Variants in ZNF831 observed in about 807,000 individuals in gnomAD.
The protein encoded by ZNF831 is chromosome 20 open reading frame 174.
In ZNF831, 59 loss-of-function variants were observed where a neutral mutation model predicts 95.8. The observed-to-expected ratio is 0.62, with a 90% CI of 0.50 to 0.77. The LOEUF (loss-of-function observed/expected upper bound fraction) is 0.77, where lower values mean the gene tolerates loss of function less well. ZNF831 is among the 30% of genes least tolerant of loss of function. ZNF831 has a pLI of 0.00. For missense variants in ZNF831, 2,205 were observed against 2,164.0 expected, an observed-to-expected ratio of 1.02 and a Z score of -0.38; for synonymous variants, 961 against 925.5, an observed-to-expected ratio of 1.04 and a Z score of -0.70.
intron 4 of ZNF831, among the ~76,000 whole-genome samples, chr20:59,246,320 A>T (rs1016154195): frequency 3.9e-5 from 6 of 152,216 alleles, no homozygotes; most frequent in Non-Finnish European, 8.8e-5. Context: ...GAAATTGCTG[A>T]AACAGAATAA....
At chr20:59,124,062 GC>G (rs1979086887) in intron 1 of ZNF831, among the ~76,000 whole-genome samples, 1 of 152,200 alleles carries the variant, frequency 6.6e-6, no homozygotes, top group Admixed American at 6.5e-5. Flanking sequence ...TGGTTCAGGT[GC>G]GGGGACAAGG....
At chr20:59,172,316 G>T (rs1029850570) in intron 1 of ZNF831, among the ~76,000 whole-genome samples, 6 of 152,118 alleles carry the variant, frequency 3.9e-5, no homozygotes, top group African/African-American at 1.2e-4. Flanking sequence ...CTTCTCTTTG[G>T]CAATGAAGTG....
intron 1 of ZNF831, among the ~76,000 whole-genome samples, chr20:59,129,264 G>T (rs1979275158): frequency 6.6e-6 from 1 of 151,046 alleles, no homozygotes; most frequent in South Asian, 2.1e-4. Context: ...TGTGTGTGTT[G>T]TGTGTGTGTA....
rs1326726599 is a variant in ZNF831, at chr20:59,191,742, C to A, written c.723C>A (p.Ala241=). ...ESRCQGMHEG[A]SERPLSPGAH... Reference sequence around the variant, plus strand: ...GGTGCCAGGGGATGCACGAAGGCGCCTCGGAGAGACCCCTTTCTCCGGGTG... The same window carrying A: ...GGTGCCAGGGGATGCACGAAGGCGCATCGGAGAGACCCCTTTCTCCGGGTG... Residue 241 remains alanine (A), a synonymous_variant, in exon 2 of 6, where the codon GCC becomes GCA. Coordinates refer to ENST00000371030, the MANE Select transcript of ZNF831 (RefSeq NM_178457.3). The A allele has an allele frequency of 6.2e-7, 1 of 1,600,874 alleles. No individual in the cohort carries two copies. The highest frequency in any genetic ancestry group is 8.5e-7 in the Non-Finnish European group (1 of 1,173,222).
Position 59,232,506 on chromosome 20 carries a change from G to A in ZNF831, c.4028-20472G>A, listed in dbSNP as rs551354689. Among the ~76,000 whole-genome samples the A allele has an allele frequency of 3.3e-5, 5 of 152,048 alleles. No homozygotes were observed. In the East Asian group the frequency reaches 7.7e-4, roughly 24 times the overall value. ...AGTCCGCCTCAGCCCTGGGACCCCC[G>A]AGACACTGGGCACTTAGTTAACCCT... On this transcript the variant is annotated intron_variant, in intron 4 of 5. Transcript: ENST00000371030.
chr20:59,212,371 G>A (rs1985401335), intron 4 of ZNF831, among the ~76,000 whole-genome samples: 1 of 152,196 alleles, frequency 6.6e-6, no homozygotes, highest in Admixed American at 6.5e-5. Flanking sequence ...ATTGGAGTCT[G>A]TGAGACTGCC....
chr20:59,138,134 A>C (rs1979570316), intron 1 of ZNF831, among the ~76,000 whole-genome samples: 1 of 152,236 alleles, frequency 6.6e-6, no homozygotes. Flanking sequence ...ATTTTGGAAG[A>C]CTAATTAAAT....
upstream of ZNF831, chr20:59,159,909 G>A (rs1980758089): frequency 6.6e-6 from 1 of 152,508 alleles, no homozygotes; most frequent in Admixed American, 6.5e-5. Context: ...GTAAGTCTGT[G>A]GTCTCTCCAG....
At chr20:59,238,507 G>A (rs1468025699) in intron 4 of ZNF831, among the ~76,000 whole-genome samples, 1 of 152,160 alleles carries the variant, frequency 6.6e-6, no homozygotes, top group Non-Finnish European at 1.5e-5. Context: ...CAAACACCCT[G>A]ACCAGAGGAG....
At position 59,254,355 on chromosome 20, in the gene ZNF831, C is replaced by T. The variant is rs2146768397; in HGVS notation, c.4646C>T (p.Ser1549Phe). Residue 1549 changes from serine to phenylalanine, a missense_variant, in exon 6 of 6, where the codon TCT becomes TTT. Coordinates refer to ENST00000371030, the MANE Select transcript of ZNF831 (RefSeq NM_178457.3). This position sits in a 1 kb window ranked among gnomAD's most constrained non-coding sequence, Gnocchi z 4.5. ...AQTLLPGRPS[S>F]GQRISDSVPL... ...ACCCTCTTGCCAGGGAGACCTTCAT[C>T]TGGACAAAGAATTTCAGATTCGGTT... 1 of 1,614,104 alleles carries T rather than the reference C, an allele frequency of 6.2e-7. No individual in the cohort carries two copies. The highest frequency in any genetic ancestry group is 1.3e-5 in the African/African-American group (1 of 75,022).
chr20:59,149,849 A>G (rs1980120100), intron 2 of ZNF831, among the ~76,000 whole-genome samples: 1 of 152,244 alleles, frequency 6.6e-6, no homozygotes, highest in Non-Finnish European at 1.5e-5. Context: ...GCCGGTGTGC[A>G]CAGGGAAATC....
rs1986415807 is a variant in ZNF831, at chr20:59,226,141, A to T, written c.4027+19085A>T. On this transcript the variant is annotated intron_variant, in intron 4 of 5. Coordinates refer to ENST00000371030, the MANE Select transcript of ZNF831 (RefSeq NM_178457.3). ...GGGTGGAATATGCTCACTCCAAGAG[A>T]TGAAAAGGAGTGGTCATAAGTCACC... Among the ~76,000 whole-genome samples the T allele has an allele frequency of 2.6e-5, 4 of 152,280 alleles. No individual in the cohort carries two copies. The South Asian group carries it at 8.3e-4, about 32-fold the overall frequency.
chr20:59,194,239 C>T lies in ZNF831; in HGVS notation c.3220C>T (p.Arg1074Cys), dbSNP rs369494521. Residue 1074 changes from arginine (R) to cysteine (C), a missense_variant, in exon 2 of 6, where the codon CGT becomes TGT. Arg to Cys is a radical substitution (Grantham distance 180, BLOSUM62 -3). Coordinates refer to ENST00000371030, the MANE Select transcript of ZNF831 (RefSeq NM_178457.3). ...LVQDMEGDSH[R>C]IHRLCMGSTL... ...TCAGGACATGGAGGGTGACAGCCAC[C>T]GTATCCATCGCCTCTGCATGGGCAG... 1.5e-5 allele frequency: 24 copies of T among 1,613,792 alleles called. No individual in the cohort carries two copies. The highest frequency in any genetic ancestry group is 6.7e-5 in the Admixed American group (4 of 59,984).
chr20:59,144,471 C>G (rs554064052), intron 1 of ZNF831, among the ~76,000 whole-genome samples: 2 of 152,252 alleles, frequency 1.3e-5, no homozygotes, highest in Admixed American at 1.3e-4. Context: ...GGCCTAGCAC[C>G]CTGCCCTAGT....
intron 3 of ZNF831, among the ~76,000 whole-genome samples, chr20:59,197,587 G>A (rs954074256): frequency 3.9e-5 from 6 of 152,288 alleles, no homozygotes; most frequent in Admixed American, 2.6e-4. Context: ...TGGTGCTGGC[G>A]TGGCCCCCAG....
At chr20:59,213,000 G>A (rs1042390039) in intron 4 of ZNF831, among the ~76,000 whole-genome samples, 1 of 152,198 alleles carries the variant, frequency 6.6e-6, no homozygotes, top group Non-Finnish European at 1.5e-5. Context: ...ATCAGACTAG[G>A]TGACAAATGA....
At chr20:59,234,150 C>T (rs1986880669) in intron 4 of ZNF831, among the ~76,000 whole-genome samples, 1 of 152,234 alleles carries the variant, frequency 6.6e-6, no homozygotes, top group Non-Finnish European at 1.5e-5. Flanking sequence ...GGAACAGCCT[C>T]ACCTTGCTGC....
At chr20:59,159,344 G>C (rs568013831), upstream of ZNF831, among the ~76,000 whole-genome samples, 6 of 152,278 alleles carry the variant, frequency 3.9e-5, no homozygotes, top group East Asian at 5.8e-4. Context: ...AGGTGGAGAG[G>C]AGAGGAACTC....
rs1389344943 is a variant in ZNF831, at chr20:59,169,104, G to A, written c.-37+4897G>A. On this transcript the variant is annotated intron_variant, in intron 1 of 5. Transcript: ENST00000371030. This position sits in a 1 kb window ranked among gnomAD's most constrained non-coding sequence, Gnocchi z 4.1. Reference sequence around the variant, plus strand: ...GTGTTATTTCCTTTTCTGTTTTCCGGATAAAGTTGCGTCGAATTTGTGTTA... The same window carrying A: ...GTGTTATTTCCTTTTCTGTTTTCCGAATAAAGTTGCGTCGAATTTGTGTTA... Among the ~76,000 whole-genome samples the A allele has an allele frequency of 1.3e-5, 2 of 152,132 alleles. No individual in the cohort carries two copies. Among genetic ancestry groups the A allele is most frequent in the African/African-American group, 4.8e-5 (2 of 41,424 alleles).
Sources: allele counts gnomAD v4.1 joint callset (sites outside exome capture counted in the v4.1 genomes callset), GRCh38; gene constraint gnomAD v4.1.1; non-coding constraint Gnocchi (gnomAD v3.1); transcripts MANE v1.5; gene names NCBI Gene and HGNC (gene_info 2026-07-23, HGNC 2026-07-21).